The following MACROD2 variants were observed in gnomAD, a reference collection of about 807,000 sequenced individuals.
The protein encoded by MACROD2 is mono-ADP ribosylhydrolase 2, also known as ADP-ribose glycohydrolase MACROD2.
A neutral mutation model predicts 70.4 loss-of-function variants in MACROD2; 36 were observed. That is an observed-to-expected ratio of 0.51 (90% CI 0.39 to 0.68). MACROD2 has a LOEUF of 0.68. MACROD2 is among the 30% of genes least tolerant of loss of function. The pLI, the probability that MACROD2 is intolerant of heterozygous loss-of-function variation, is 0.00. For missense variants in MACROD2, 496 were observed against 538.4 expected (o/e 0.92, Z 0.78); for synonymous variants, 172 against 178.8 (o/e 0.96, Z 0.30).
intron 3 of MACROD2, among the ~76,000 whole-genome samples, chr20:14,238,840 A>T (rs1238430184): frequency 6.6e-6 from 1 of 152,006 alleles, no homozygotes; most frequent in Non-Finnish European, 1.5e-5. Flanking sequence ...CAGCCTGGCC[A>T]ATATGGTAAA....
rs185946090 is a variant in MACROD2, at chr20:15,272,301, T to G, written c.540+42240T>G. Among the ~76,000 whole-genome samples, 23 of 152,324 alleles carry G rather than the reference T, an allele frequency of 1.5e-4. No individual in the cohort carries two copies. In the East Asian group the frequency reaches 3.9e-3, roughly 26 times the overall value. ...TTCATTAAAATGTTTTTCACAAAAA[T>G]ATTGGAAAGTTTCCCAAAGTCCTCC... is the stretch of plus-strand genomic sequence containing the variant. On this transcript the variant is annotated intron_variant, in intron 6 of 17. Transcript: ENST00000684519.
rs144656256 is a variant in MACROD2, at chr20:15,220,783, C to T, written c.419-9157C>T. Among the ~76,000 whole-genome samples the T allele has an allele frequency of 7.9e-5, 12 of 152,136 alleles. No individual in the cohort carries two copies. In the East Asian group the frequency reaches 2.3e-3, roughly 29 times the overall value. ...TTCAGAGAAAAAAATGGGGGGGGCT[C>T]TCCAGAAATGGGGAAAGTCCTGTAG... is the stretch of plus-strand genomic sequence containing the variant. On this transcript the variant is annotated intron_variant, in intron 5 of 17. Transcript: ENST00000684519.
intron 4 of MACROD2, among the ~76,000 whole-genome samples, chr20:14,517,831 C>T (rs1468398552): frequency 6.6e-6 from 1 of 151,958 alleles, no homozygotes; most frequent in African/African-American, 2.4e-5. Flanking sequence ...TGTATTCTAT[C>T]CTTTTCTGGT....
chr20:15,451,553 C>T (rs1357171594), intron 7 of MACROD2, among the ~76,000 whole-genome samples: 1 of 151,854 alleles, frequency 6.6e-6, no homozygotes, highest in Non-Finnish European at 1.5e-5. Context: ...CAGAAAGGCC[C>T]TTTTTGCCAA....
chr20:14,306,377 T>G (rs531989784), intron 3 of MACROD2, among the ~76,000 whole-genome samples: 2 of 152,272 alleles, frequency 1.3e-5, no homozygotes, highest in East Asian at 3.9e-4. Context: ...AGGTTCTGTG[T>G]TGTGCTGTTA....
intron 3 of MACROD2, among the ~76,000 whole-genome samples, chr20:14,472,876 A>T (rs775582369): frequency 6.6e-6 from 1 of 151,966 alleles, no homozygotes; most frequent in African/African-American, 2.4e-5. Context: ...GTATGTGTGT[A>T]TGTAGGTGTG....
At chr20:15,404,375 G>C (rs960464141) in intron 6 of MACROD2, among the ~76,000 whole-genome samples, 6 of 152,094 alleles carry the variant, frequency 3.9e-5, no homozygotes, top group Non-Finnish European at 8.8e-5. Context: ...GTATAAAAAA[G>C]AACACATTTT....
chr20:14,438,561 C>G (rs2084085034), intron 3 of MACROD2, among the ~76,000 whole-genome samples: 1 of 152,188 alleles, frequency 6.6e-6, no homozygotes, highest in African/African-American at 2.4e-5. Context: ...TCTCCACGCC[C>G]TTACCAACAC....
At chr20:15,227,233 AATTTC>A (rs2076914863) in intron 5 of MACROD2, among the ~76,000 whole-genome samples, 1 of 152,176 alleles carries the variant, frequency 6.6e-6, no homozygotes. Context: ...ATTTTTCATA[AATTTC>A]ATTTAAGTTT....
chr20:15,302,363 C>CACACACACACACACACAT (rs2077653767), intron 6 of MACROD2, among the ~76,000 whole-genome samples: 1 of 113,664 alleles, frequency 8.8e-6, no homozygotes, highest in Non-Finnish European at 1.7e-5. Flanking sequence ...AGATAAAATA[C>CACACACACACACACACAT]ACACACACAC....
chr20:15,937,354 C>A, intron 11 of MACROD2, 122 bp from the exon 12 acceptor site: 1 of 822,150 alleles, frequency 1.2e-6, no homozygotes, highest in African/African-American at 1.7e-5. Context: ...TCAGTGTATT[C>A]AAGCATGCGG....
intron 2 of MACROD2, among the ~76,000 whole-genome samples, chr20:14,051,027 A>G (rs1488649003): frequency 2.6e-5 from 4 of 152,188 alleles, no homozygotes; most frequent in Admixed American, 1.3e-4. Flanking sequence ...TGAGATTGAA[A>G]TATACTTGTG....
intron 8 of MACROD2, among the ~76,000 whole-genome samples, chr20:15,702,749 CA>C (rs1416480290): frequency 5.3e-5 from 8 of 152,180 alleles, no homozygotes; most frequent in Admixed American, 3.9e-4. Context: ...CAAGGAAAAT[CA>C]ACGTTATTTT....
At chr20:14,881,159 C>T (rs1251496535) in intron 5 of MACROD2, among the ~76,000 whole-genome samples, 2 of 151,760 alleles carry the variant, frequency 1.3e-5, no homozygotes, top group African/African-American at 4.8e-5. Flanking sequence ...ATATTAATTC[C>T]TGCTAGGCCC....
chr20:15,086,867 G>T (rs1463632599), intron 5 of MACROD2, among the ~76,000 whole-genome samples: 2 of 152,112 alleles, frequency 1.3e-5, no homozygotes, highest in Non-Finnish European at 2.9e-5. Context: ...GACTAAAGGA[G>T]ATAATATTTG....
At chr20:15,587,182 C>T (rs868747876) in intron 8 of MACROD2, among the ~76,000 whole-genome samples, 9 of 152,200 alleles carry the variant, frequency 5.9e-5, no homozygotes, top group African/African-American at 1.7e-4. Flanking sequence ...TACAAGGTGG[C>T]GGCAAGAGAA....
chr20:15,912,024 A>G (rs1373267734), intron 10 of MACROD2, among the ~76,000 whole-genome samples: 1 of 152,218 alleles, frequency 6.6e-6, no homozygotes, highest in South Asian at 2.1e-4. Context: ...AAAAAACAAA[A>G]CAACAACAAA....
At chr20:15,866,836 T>G (rs2064500599) in intron 9 of MACROD2, among the ~76,000 whole-genome samples, 1 of 152,202 alleles carries the variant, frequency 6.6e-6, no homozygotes, top group East Asian at 1.9e-4. Context: ...TATAGAGGTA[T>G]TGTGGTGCTA....
At chr20:14,003,541 G>A in intron 2 of MACROD2, 1 of 316,422 alleles carries the variant, frequency 3.2e-6, no homozygotes, top group Non-Finnish European at 6.3e-6. Context: ...TTTAAGAATG[G>A]TCTGATTCCA....
Sources: gnomAD v4.1 joint callset for allele counts (sites outside exome capture counted in the v4.1 genomes callset) on GRCh38, gnomAD v4.1.1 for gene constraint, MANE v1.5 for transcripts, NCBI Gene and HGNC (gene_info 2026-07-23, HGNC 2026-07-21) for gene names.